The following GRAMD1B variants were observed in gnomAD, a reference collection of about 807,000 sequenced individuals.
GRAMD1B encodes the protein GRAM domain containing 1B.
In GRAMD1B, 37 loss-of-function variants were observed where a neutral mutation model predicts 99.7. The observed-to-expected ratio is 0.37, with a 90% CI of 0.29 to 0.49. The LOEUF (loss-of-function observed/expected upper bound fraction) is 0.49. GRAMD1B is among the 20% of genes least tolerant of loss of function. The pLI, the probability that GRAMD1B is intolerant of heterozygous loss-of-function variation, is 0.98. For synonymous variants in GRAMD1B, 427 were observed against 387.6 expected (o/e 1.10, Z -1.19); for missense variants, 888 against 1,009.2 (o/e 0.88, Z 1.63).
chr11:123,503,117 G>T (rs1940053749), intron 2 of GRAMD1B, among the ~76,000 whole-genome samples: 1 of 152,198 alleles, frequency 6.6e-6, no homozygotes, highest in Non-Finnish European at 1.5e-5. Context: ...TCCGAACCTT[G>T]GTGTGATAGG....
chr11:123,431,943 T>C (rs916579829), intron 1 of GRAMD1B: 10 of 396,516 alleles, frequency 2.5e-5, no homozygotes, highest in African/African-American at 1.2e-4. Flanking sequence ...CCAAGCCCCT[T>C]GCCTGGTGGA....
rs1053752726 is a variant in GRAMD1B at position 123,610,431 on chromosome 11, G to A, written c.1919+93G>A. 9 of 1,248,172 alleles carry A rather than the reference G, an allele frequency of 7.2e-6. No individual in the cohort carries two copies. The African/African-American group carries it at 1.0e-4, about 14-fold the overall frequency. 77.3% of individuals were successfully genotyped at this position (1,248,172 alleles called of 1,614,324 possible). On this transcript the variant is annotated intron_variant, in intron 14 of 19. Transcript: ENST00000635736. The surrounding 1 kb of genome is among the most constrained non-coding windows in gnomAD (Gnocchi z 4.1). ...CTGACGGGGAAGGAGGAGGTGGGGAGTGCTTGGCTGCTGACTCTCTTTATT... is the reference window on the plus strand; with the variant it reads ...CTGACGGGGAAGGAGGAGGTGGGGAATGCTTGGCTGCTGACTCTCTTTATT...
rs536347676 is a variant in GRAMD1B, at chr11:123,505,197, A to T, written c.452+24304A>T. On this transcript the variant is annotated intron_variant, in intron 2 of 19. Coordinates refer to ENST00000635736, the MANE Select transcript of GRAMD1B (RefSeq NM_001387025.1). The stretch of plus-strand genomic sequence containing the variant: ...CTCTTTCAATGTCTTTAAAAAATAT[A>T]TTAATTTTTTTTTAAGAGATGGGAG... Among the ~76,000 whole-genome samples the T allele has an allele frequency of 1.1e-4, 3 of 28,158 alleles. No individual in the cohort carries two copies. In the South Asian group the frequency reaches 9.0e-3, roughly 84 times the overall value. 18.5% of individuals were successfully genotyped at this position (28,158 alleles called of 152,430 possible).
chr11:123,546,766 T>A (rs1024890937), intron 2 of GRAMD1B, among the ~76,000 whole-genome samples: 2 of 152,202 alleles, frequency 1.3e-5, no homozygotes, highest in Non-Finnish European at 2.9e-5. Flanking sequence ...TCTGTGGATG[T>A]TTTCCATCTT....
chr11:123,585,596 C>T (rs1359288127), intron 4 of GRAMD1B, among the ~76,000 whole-genome samples: 1 of 152,138 alleles, frequency 6.6e-6, no homozygotes, highest in East Asian at 1.9e-4. Flanking sequence ...ACCCCCTTAC[C>T]TTCTAGGAGG....
chr11:123,488,714 T>C (rs968318215), intron 2 of GRAMD1B, among the ~76,000 whole-genome samples: 1 of 147,488 alleles, frequency 6.8e-6, no homozygotes, highest in African/African-American at 2.4e-5. Flanking sequence ...CTGAAAGCTT[T>C]GGCCCTCCTC....
chr11:123,583,799 A>AT (rs1399827694), intron 3 of GRAMD1B, among the ~76,000 whole-genome samples: 1 of 152,076 alleles, frequency 6.6e-6, no homozygotes, highest in African/African-American at 2.4e-5. Context: ...GGTACAGCCC[A>AT]TTTTTTGGCG....
At chr11:123,433,260 C>T (rs186813295) in intron 1 of GRAMD1B, among the ~76,000 whole-genome samples, 23 of 152,066 alleles carry the variant, frequency 1.5e-4, no homozygotes, top group Non-Finnish European at 1.2e-4. Flanking sequence ...TGCCTGTAAT[C>T]CCAGCTACTC....
chr11:123,404,531 T>C (rs1433281457), intron 1 of GRAMD1B, among the ~76,000 whole-genome samples: 1 of 152,192 alleles, frequency 6.6e-6, no homozygotes, highest in Non-Finnish European at 1.5e-5. Flanking sequence ...CATTTTAAAA[T>C]TGAGATAAAT....
chr11:123,445,234 GTTC>G (rs1949584590), intron 1 of GRAMD1B, among the ~76,000 whole-genome samples: 1 of 152,204 alleles, frequency 6.6e-6, no homozygotes, highest in Non-Finnish European at 1.5e-5. Flanking sequence ...ACCTTGTCGT[GTTC>G]TTTTGCCCGC....
chr11:123,619,329 C>A, intron 19 of GRAMD1B, 105 bp downstream of exon 19: 3 of 1,528,668 alleles, frequency 2.0e-6, no homozygotes, highest in Non-Finnish European at 2.6e-6. Flanking sequence ...CTCCAGACTT[C>A]TCCCTCCAAT....
chr11:123,586,732 T>G (rs1378871583), intron 4 of GRAMD1B, among the ~76,000 whole-genome samples: 2 of 152,228 alleles, frequency 1.3e-5, no homozygotes, highest in African/African-American at 4.8e-5. Context: ...TTTTCTGTGT[T>G]CCTTCAGGGA....
chr11:123,604,390 A>T (rs1309147215), intron 9 of GRAMD1B, among the ~76,000 whole-genome samples: 1 of 152,218 alleles, frequency 6.6e-6, no homozygotes, highest in Non-Finnish European at 1.5e-5. Context: ...AAGGTTTCCT[A>T]TCCTGGCAGC....
At position 123,551,349 on chromosome 11, in the gene GRAMD1B, T is replaced by G. The variant is rs537684795; in HGVS notation, c.453-26018T>G. Among the ~76,000 whole-genome samples, 16 of 152,300 alleles carry G rather than the reference T, an allele frequency of 1.1e-4. No homozygotes were observed. The South Asian group carries it at 3.3e-3, about 32-fold the overall frequency. ...CCAGGCAGCTGGGGAGATGAGTACT[T>G]CATTCTGGAAAGGAGTATCATGCCC... is the stretch of plus-strand genomic sequence containing the variant. On this transcript the variant is annotated intron_variant, in intron 2 of 19. Coordinates refer to ENST00000635736, the MANE Select transcript of GRAMD1B (RefSeq NM_001387025.1).
intron 8 of GRAMD1B, among the ~76,000 whole-genome samples, chr11:123,603,078 G>C (rs1052375045): frequency 6.6e-6 from 1 of 152,210 alleles, no homozygotes; most frequent in African/African-American, 2.4e-5. Flanking sequence ...CTTGGCCCCA[G>C]AGTCACATGG....
At chr11:123,426,385 C>A (rs752708537), upstream of GRAMD1B, among the ~76,000 whole-genome samples, 48 of 152,214 alleles carry the variant, frequency 3.2e-4, no homozygotes, top group Admixed American at 9.2e-4. Context: ...CTGCACTCTA[C>A]AGAAATGCAT....
intron 5 of GRAMD1B, among the ~76,000 whole-genome samples, 157 bp downstream of exon 5, chr11:123,594,323 C>T (rs1037349632): frequency 2.0e-5 from 3 of 152,152 alleles, no homozygotes; most frequent in Non-Finnish European, 4.4e-5. Flanking sequence ...TGTCAGGGCT[C>T]GAGGCTGAGT....
At chr11:123,570,337 C>T (rs1040234993) in intron 2 of GRAMD1B, among the ~76,000 whole-genome samples, 2 of 151,946 alleles carry the variant, frequency 1.3e-5, no homozygotes, top group Non-Finnish European at 2.9e-5. Flanking sequence ...GACTTGGGAG[C>T]ATCAACACCT....
chr11:123,597,535 T>C (rs902418111), intron 7 of GRAMD1B, among the ~76,000 whole-genome samples: 2 of 151,994 alleles, frequency 1.3e-5, no homozygotes, highest in African/African-American at 4.8e-5. Flanking sequence ...CATCCTGGGG[T>C]AATACTCATT....
Sources: allele counts gnomAD v4.1 joint callset (sites outside exome capture counted in the v4.1 genomes callset), GRCh38; gene constraint gnomAD v4.1.1; non-coding constraint Gnocchi (gnomAD v3.1); transcripts MANE v1.5; gene names NCBI Gene and HGNC (gene_info 2026-07-23, HGNC 2026-07-21).